The following CNOT7 variants were observed in gnomAD, a reference collection of about 807,000 sequenced individuals.
CNOT7 encodes BTG1-binding factor 1.
Under a neutral mutation model 37.1 loss-of-function variants are expected in CNOT7, and 4 were observed. That is an observed-to-expected ratio of 0.11 (90% CI 0.05 to 0.25). The LOEUF (loss-of-function observed/expected upper bound fraction) is 0.25, where lower values mean the gene tolerates loss of function less well. CNOT7 is among the 10% of genes least tolerant of loss of function. The pLI, the probability that CNOT7 is intolerant of heterozygous loss-of-function variation, is 1.00. For synonymous variants in CNOT7, 128 were observed against 115.6 expected (o/e 1.11, Z -0.69); for missense variants, 170 against 336.2 (o/e 0.51, Z 3.87).
At chr8:17,237,869 C>T (rs1187841996) in intron 3 of CNOT7, among the ~76,000 whole-genome samples, 1 of 152,240 alleles carries the variant, frequency 6.6e-6, no homozygotes, top group African/African-American at 2.4e-5. Context: ...AGTTAAACTA[C>T]ACTTCATCTT....
chr8:17,244,247 C>T (rs1222043481), intron 2 of CNOT7: 1 of 152,816 alleles, frequency 6.5e-6, no homozygotes, highest in Non-Finnish European at 1.5e-5. Flanking sequence ...GATAGACAAT[C>T]TAGGCAGACC....
intron 2 of CNOT7, chr8:17,244,785 C>T: frequency 2.6e-6 from 1 of 390,512 alleles, no homozygotes; most frequent in Non-Finnish European, 4.6e-6. Flanking sequence ...TCCTTCCTAA[C>T]TCTTATTCAA....
rs1224388652 is a variant in CNOT7 at position 17,226,608 on chromosome 8, C to A, written c.*4112G>T. On this transcript the variant is annotated 3_prime_UTR_variant, in exon 7 of 7. Coordinates refer to ENST00000361272, the MANE Select transcript of CNOT7 (RefSeq NM_013354.7). Reference sequence around the variant, plus strand: ...AATGCTTTTAAAATTTAAAAATTTTCTTTGCACTGCATCAAGGTCCAAAAA... The same window carrying A: ...AATGCTTTTAAAATTTAAAAATTTTATTTGCACTGCATCAAGGTCCAAAAA... 6.6e-6 allele frequency: 1 copy of A among 151,642 alleles called. No homozygotes were observed. Among genetic ancestry groups the A allele is most frequent in the Non-Finnish European group, 1.5e-5 (1 of 67,684 alleles). 9.4% of individuals were successfully genotyped at this position (151,642 alleles called of 1,614,324 possible).
rs1341574823 is a variant in CNOT7 at position 17,227,942 on chromosome 8, T to C, written c.*2778A>G. The C allele has an allele frequency of 6.6e-6, 1 of 151,946 alleles. No homozygotes were observed. The highest frequency in any genetic ancestry group is 1.5e-5 in the Non-Finnish European group (1 of 67,826). The allele number at this position is 151,946 out of a possible 1,614,324, so 9.4% of individuals were successfully genotyped here. A position where few individuals can be genotyped will look rare whatever the true frequency, so the allele number is the denominator to read the frequency against. On this transcript the variant is annotated 3_prime_UTR_variant, in exon 7 of 7. Coordinates refer to ENST00000361272, the MANE Select transcript of CNOT7 (RefSeq NM_013354.7). ...ATCTGCATCACCATGATTCTGTAGC[T>C]TGCCAAGCGGCAATGTGAAACAAGA...
At position 17,245,262 on chromosome 8, in the gene CNOT7, AAAC is replaced by A. The variant is rs1810760574; in HGVS notation, c.-95-18_-95-16del. 4 of 1,153,096 alleles carry A rather than the reference AAAC, an allele frequency of 3.5e-6. No individual in the cohort carries two copies. The African/African-American group carries it at 4.7e-5, about 14-fold the overall frequency. The allele number at this position is 1,153,096 out of a possible 1,614,324, so 71.4% of individuals were successfully genotyped here. A position where few individuals can be genotyped will look rare whatever the true frequency, so the allele number is the denominator to read the frequency against. ...TATTTATGTACCTGTCAAAATAAAA[AAAC>A]AATATGAAGACCAGATATATCAAAT... is the stretch of plus-strand genomic sequence containing the variant. On this transcript the variant is annotated splice_polypyrimidine_tract_variant and intron_variant, in intron 1 of 6. Transcript: ENST00000361272.
intron 3 of CNOT7, 100 bp from the exon 4 acceptor site, chr8:17,237,473 G>C (rs576400162): frequency 9.0e-7 from 1 of 1,109,418 alleles, no homozygotes; most frequent in East Asian, 2.4e-5. Context: ...AAAAGAGACA[G>C]AGGAATGGCT....
At chr8:17,238,509 CTTTTTT>C (rs75080604) in intron 3 of CNOT7, among the ~76,000 whole-genome samples, 1 of 139,402 alleles carries the variant, frequency 7.2e-6, no homozygotes. Flanking sequence ...GAAGTAGTTT[CTTTTTT>C]TTTTTTTTTT....
At chr8:17,240,220 T>C (rs911083041) in intron 3 of CNOT7, among the ~76,000 whole-genome samples, 1 of 152,224 alleles carries the variant, frequency 6.6e-6, no homozygotes. Context: ...ACTGTATCCT[T>C]CTCCTTAAAC....
In CNOT7 at chr8:17,246,396, C is replaced by G. The variant is rs1371173318; in HGVS notation, c.-96+279G>C. 3 of 152,692 alleles carry G rather than the reference C, an allele frequency of 2.0e-5. No homozygotes were observed. The East Asian group carries it at 5.8e-4, about 29-fold the overall frequency. 9.5% of individuals were successfully genotyped at this position (152,692 alleles called of 1,614,324 possible). On this transcript the variant is annotated intron_variant, in intron 1 of 6. Coordinates refer to ENST00000361272, the MANE Select transcript of CNOT7 (RefSeq NM_013354.7). ...CCAAGCACTGCCGCGTGAAACAATA[C>G]GAAGAGGTGAGGATCTAGGCCACCG...
At chr8:17,233,229 A>T (rs1808869444) in intron 5 of CNOT7, among the ~76,000 whole-genome samples, 1 of 152,192 alleles carries the variant, frequency 6.6e-6, no homozygotes, top group African/African-American at 2.4e-5. Flanking sequence ...GTAGAGCGTG[A>T]AGGAAAGAAA....
At chr8:17,235,767 A>G (rs1315256908) in intron 4 of CNOT7, among the ~76,000 whole-genome samples, 1 of 152,234 alleles carries the variant, frequency 6.6e-6, no homozygotes, top group East Asian at 1.9e-4. Context: ...ATTACTTGAA[A>G]TTAGAATATG....
At chr8:17,235,217 G>A (rs564992057) in intron 4 of CNOT7, among the ~76,000 whole-genome samples, 4 of 152,276 alleles carry the variant, frequency 2.6e-5, no homozygotes, top group Admixed American at 1.3e-4. Context: ...AAGTAACTAT[G>A]GAAATGGAGA....
At chr8:17,235,216 T>C (rs545054294) in intron 4 of CNOT7, among the ~76,000 whole-genome samples, 1 of 152,156 alleles carries the variant, frequency 6.6e-6, no homozygotes, top group Admixed American at 6.5e-5. Context: ...AAAGTAACTA[T>C]GGAAATGGAG....
In CNOT7 at chr8:17,246,726, A is replaced by G; in HGVS notation, c.-147T>C. 1 of 189,614 alleles carries G rather than the reference A, an allele frequency of 5.3e-6. No individual in the cohort carries two copies. The highest frequency in any genetic ancestry group is 6.2e-5 in the Admixed American group (1 of 16,126). 11.7% of individuals were successfully genotyped at this position (189,614 alleles called of 1,614,324 possible). A position where few individuals can be genotyped will look rare whatever the true frequency, so the allele number is the denominator to read the frequency against. ...TCCTCCTCCTCGCCATAGAGACAGC[A>G]CTCGGCGGCGGTGGCGGTGGCGGTG... On this transcript the variant is annotated 5_prime_UTR_variant, in exon 1 of 7. Transcript: ENST00000361272.
intron 3 of CNOT7, among the ~76,000 whole-genome samples, chr8:17,237,955 C>T (rs1004860297): frequency 4.6e-5 from 7 of 152,244 alleles, no homozygotes; most frequent in Admixed American, 2.0e-4. Context: ...AAGGACTGTA[C>T]TGTAATAGCA....
Position 17,229,241 on chromosome 8 carries a change from A to G in CNOT7, c.*1479T>C, listed in dbSNP as rs1487542724. 6.6e-6 allele frequency: 1 copy of G among 152,030 alleles called. No individual in the cohort carries two copies. The allele number at this position is 152,030 out of a possible 1,614,324, so 9.4% of individuals were successfully genotyped here. ...CAGTCATCAACATTTATAAGAAAAC[A>G]TTTTGAAGCCTTTATTTACAAAAGC... On this transcript the variant is annotated 3_prime_UTR_variant, in exon 7 of 7. Coordinates refer to ENST00000361272, the MANE Select transcript of CNOT7 (RefSeq NM_013354.7).
intron 6 of CNOT7, chr8:17,231,535 CTTTCTATTATCAA>C: frequency 1.0e-6 from 1 of 985,074 alleles, no homozygotes; most frequent in Non-Finnish European, 1.2e-6. Context: ...AGCTTTAATG[CTTTCTATTATCAA>C]TACATTGCTA....
intron 5 of CNOT7, 102 bp from the exon 6 acceptor site, chr8:17,232,639 G>T: frequency 2.2e-6 from 2 of 924,150 alleles, no homozygotes; most frequent in Non-Finnish European, 3.3e-6. Flanking sequence ...ATAAACTTTA[G>T]TATGTAAAGG....
intron 2 of CNOT7, chr8:17,243,670 TTC>T: frequency 2.2e-6 from 1 of 456,318 alleles, no homozygotes; most frequent in Middle Eastern, 3.3e-4. Flanking sequence ...TTAAACAATA[TTC>T]TCTCTATAGT....
Sources: gnomAD v4.1 joint callset for allele counts (sites outside exome capture counted in the v4.1 genomes callset) on GRCh38, gnomAD v4.1.1 for gene constraint, MANE v1.5 for transcripts, NCBI Gene and HGNC (gene_info 2026-07-23, HGNC 2026-07-21) for gene names.